FBXL17: variants seen among roughly 807,000 people sequenced by gnomAD.
The protein encoded by FBXL17 is F-box and leucine rich repeat protein 17.
A neutral mutation model predicts 66.2 loss-of-function variants in FBXL17; 22 were observed. The ratio of observed to expected loss-of-function variants is 0.33; its 90% CI spans 0.24 to 0.47. FBXL17 has a LOEUF of 0.47. FBXL17 is among the 20% of genes least tolerant of loss of function. FBXL17 has a pLI of 1.00. For missense variants in FBXL17, 878 were observed against 948.2 expected (o/e 0.93, Z 0.97); for synonymous variants, 474 against 400.5 (o/e 1.18, Z -2.19).
intron 6 of FBXL17, among the ~76,000 whole-genome samples, chr5:108,065,518 G>T (rs779505038): frequency 6.6e-6 from 1 of 152,136 alleles, no homozygotes; most frequent in Non-Finnish European, 1.5e-5. Context: ...ACTATGGAAT[G>T]ATTTACCATG....
chr5:108,160,379 T>C (rs1752163233), intron 6 of FBXL17, among the ~76,000 whole-genome samples: 1 of 152,222 alleles, frequency 6.6e-6, no homozygotes, highest in South Asian at 2.1e-4. Context: ...TGGCAATGAC[T>C]AGACTGACCT....
chr5:108,355,325 T>C (rs1406327817), intron 3 of FBXL17, among the ~76,000 whole-genome samples: 3 of 151,752 alleles, frequency 2.0e-5, no homozygotes, highest in South Asian at 2.1e-4. Context: ...AATCTCACAC[T>C]GCCCCTAGTC....
At chr5:107,894,469 C>T (rs1378736255) in intron 7 of FBXL17, among the ~76,000 whole-genome samples, 1 of 152,136 alleles carries the variant, frequency 6.6e-6, no homozygotes, top group Non-Finnish European at 1.5e-5. Context: ...CATTTTCTCA[C>T]AACAAACCCT....
intron 7 of FBXL17, among the ~76,000 whole-genome samples, chr5:107,960,153 G>A (rs1398409028): frequency 6.6e-6 from 1 of 152,016 alleles, no homozygotes; most frequent in Non-Finnish European, 1.5e-5. Flanking sequence ...CTGGACTAAA[G>A]CTTACTCATT....
chr5:108,211,134 C>A (rs191384443), intron 5 of FBXL17, among the ~76,000 whole-genome samples: 23 of 152,174 alleles, frequency 1.5e-4, no homozygotes, highest in African/African-American at 5.5e-4. Flanking sequence ...TATTGCAACT[C>A]CTGCTTTTTT....
At chr5:107,916,079 T>G (rs926071831) in intron 7 of FBXL17, among the ~76,000 whole-genome samples, 3 of 152,164 alleles carry the variant, frequency 2.0e-5, no homozygotes, top group Admixed American at 1.3e-4. Context: ...CTTAAAGATC[T>G]TCTGTGTAGC....
intron 8 of FBXL17, among the ~76,000 whole-genome samples, chr5:107,868,629 T>C (rs1018732832): frequency 9.2e-5 from 14 of 152,214 alleles, no homozygotes; most frequent in African/African-American, 2.4e-5. Flanking sequence ...CCCTGCCCTC[T>C]TGTAGCTTAT....
intron 6 of FBXL17, among the ~76,000 whole-genome samples, chr5:108,024,768 A>C (rs1754731192): frequency 6.6e-6 from 1 of 152,162 alleles, no homozygotes; most frequent in African/African-American, 2.4e-5. Context: ...TGGTTTTGAT[A>C]ATGTTCTAAA....
chr5:108,256,106 TA>T, intron 4 of FBXL17, among the ~76,000 whole-genome samples: 1 of 152,298 alleles, frequency 6.6e-6, no homozygotes, highest in African/African-American at 2.4e-5. Flanking sequence ...TCCTGGCAGG[TA>T]TTACATAGAA....
chr5:108,000,279 T>C (rs1450529466), intron 7 of FBXL17, among the ~76,000 whole-genome samples: 1 of 152,224 alleles, frequency 6.6e-6, no homozygotes, highest in Non-Finnish European at 1.5e-5. Flanking sequence ...AAGCTTCTTA[T>C]ACGCATACTG....
intron 7 of FBXL17, among the ~76,000 whole-genome samples, chr5:107,921,891 G>A (rs895575062): frequency 2.6e-5 from 4 of 152,270 alleles, no homozygotes; most frequent in African/African-American, 7.2e-5. Flanking sequence ...TTTTCTCTGC[G>A]CACATGGGTG....
At chr5:108,199,133 T>C (rs1230246048) in intron 5 of FBXL17, among the ~76,000 whole-genome samples, 1 of 152,160 alleles carries the variant, frequency 6.6e-6, no homozygotes, top group Non-Finnish European at 1.5e-5. Flanking sequence ...GGTAGGACTT[T>C]AAATATCAAC....
intron 7 of FBXL17, among the ~76,000 whole-genome samples, chr5:107,897,559 C>G (rs1462253649): frequency 1.3e-5 from 2 of 152,016 alleles, no homozygotes; most frequent in African/African-American, 4.8e-5. Flanking sequence ...GACAATGCCC[C>G]CGGCCACCCA....
chr5:108,126,629 C>T lies in FBXL17; in HGVS notation c.1745+59488G>A, dbSNP rs959489702. Among the ~76,000 whole-genome samples, 12 of 68,524 alleles carry T rather than the reference C, an allele frequency of 1.8e-4. No individual in the cohort carries two copies. In the South Asian group the frequency reaches 9.0e-3, roughly 51 times the overall value. The allele number at this position is 68,524 out of a possible 152,430, so 45.0% of individuals were successfully genotyped here. A position where few individuals can be genotyped will look rare whatever the true frequency, so the allele number is the denominator to read the frequency against. ...TATATAAGATTATCTCTCTGTCTCT[C>T]TGTCTCTCTCTCTCTCTCTCTCTAT... is the stretch of plus-strand genomic sequence containing the variant. On this transcript the variant is annotated intron_variant, in intron 6 of 8. Coordinates refer to ENST00000542267, the MANE Select transcript of FBXL17 (RefSeq NM_001163315.3).
chr5:107,951,810 T>C (rs763470568), intron 7 of FBXL17, among the ~76,000 whole-genome samples: 6 of 152,182 alleles, frequency 3.9e-5, no homozygotes, highest in East Asian at 1.9e-4. Flanking sequence ...TGGCAGTTTA[T>C]TGCATCAAAT....
At chr5:108,169,550 T>A (rs1021174598) in intron 6 of FBXL17, among the ~76,000 whole-genome samples, 1 of 152,168 alleles carries the variant, frequency 6.6e-6, no homozygotes, top group African/African-American at 2.4e-5. Flanking sequence ...AGCATTTTTA[T>A]CCCCCTGTAT....
chr5:108,260,777 A>G (rs111404361), intron 4 of FBXL17, among the ~76,000 whole-genome samples: 12 of 152,280 alleles, frequency 7.9e-5, no homozygotes, highest in African/African-American at 2.9e-4. Flanking sequence ...AACTACAGCC[A>G]GGACCAAGAA....
chr5:107,878,734 G>C, intron 8 of FBXL17: 1 of 985,426 alleles, frequency 1.0e-6, no homozygotes, highest in Non-Finnish European at 1.2e-6. Context: ...AGGCTTTTCT[G>C]TGCAAGGCTT....
chr5:108,057,572 C>T (rs950199792), intron 6 of FBXL17, among the ~76,000 whole-genome samples: 2 of 152,140 alleles, frequency 1.3e-5, no homozygotes, highest in Non-Finnish European at 2.9e-5. Context: ...AATTCAGCTA[C>T]AAATTAAATG....
Sources: allele counts gnomAD v4.1 joint callset (sites outside exome capture counted in the v4.1 genomes callset), GRCh38; gene constraint gnomAD v4.1.1; transcripts MANE v1.5; gene names NCBI Gene and HGNC (gene_info 2026-07-23, HGNC 2026-07-21).